KAZN: variants seen among roughly 807,000 people sequenced by gnomAD.
The protein encoded by KAZN is kazrin, periplakin interacting protein.
KAZN carries 40 observed loss-of-function variants against 87.4 expected under a neutral mutation model. The ratio of observed to expected loss-of-function variants is 0.46; its 90% CI spans 0.36 to 0.60. The LOEUF is 0.60. Ranked by LOEUF, KAZN falls within the 20% of genes least tolerant of loss-of-function variation. The pLI, the probability that KAZN is intolerant of heterozygous loss-of-function variation, is 0.00. For missense variants in KAZN, 898 were observed against 1,073.9 expected, an observed-to-expected ratio of 0.84 and a Z score of 2.29; for synonymous variants, 466 against 458.3, an observed-to-expected ratio of 1.02 and a Z score of -0.22.
intron 8 of KAZN, among the ~76,000 whole-genome samples, chr1:15,091,740 A>T (rs762216289): frequency 2.0e-5 from 3 of 152,226 alleles, no homozygotes; most frequent in Non-Finnish European, 4.4e-5. Flanking sequence ...ATGGAGCGTC[A>T]TTCCTTCAAA....
chr1:13,988,196 T>C (rs573905658), intron 1 of KAZN, among the ~76,000 whole-genome samples: 1 of 152,226 alleles, frequency 6.6e-6, no homozygotes, highest in South Asian at 2.1e-4. Context: ...GCACAAGCAT[T>C]TGGAGAATAA....
At chr1:14,176,942 G>A (rs957489471) in intron 1 of KAZN, among the ~76,000 whole-genome samples, 2 of 152,084 alleles carry the variant, frequency 1.3e-5, no homozygotes, top group African/African-American at 2.4e-5. Context: ...GGTGGATCAC[G>A]AGGTCAGGAG....
In KAZN at chr1:14,386,302, A is replaced by C. The variant is rs922695524; in HGVS notation, c.249+205710A>C. On this transcript the variant is annotated intron_variant, in intron 2 of 16. Transcript: ENST00000636203. ...TCTGTGTCTTTTAATTGGAGCATTT[A>C]GTCCATTTACATTTAAAGTTAATAT... Among the ~76,000 whole-genome samples, 20 of 146,974 alleles carry C rather than the reference A, an allele frequency of 1.4e-4. No homozygotes were observed. The South Asian group carries it at 1.4e-3, about 11-fold the overall frequency.
intron 1 of KAZN, among the ~76,000 whole-genome samples, chr1:14,932,724 C>T (rs1373231553): frequency 6.6e-6 from 1 of 151,834 alleles, no homozygotes; most frequent in Non-Finnish European, 1.5e-5. Context: ...TCGGTGGGCT[C>T]AAATGCAGAG....
chr1:14,245,948 G>A (rs1418032384), intron 2 of KAZN, among the ~76,000 whole-genome samples: 3 of 152,160 alleles, frequency 2.0e-5, no homozygotes, highest in Non-Finnish European at 4.4e-5. Flanking sequence ...ATCAATGATA[G>A]ACTGAATTTT....
chr1:14,552,290 A>C (rs1415713937), intron 2 of KAZN, among the ~76,000 whole-genome samples: 2 of 152,212 alleles, frequency 1.3e-5, no homozygotes, highest in African/African-American at 4.8e-5. Flanking sequence ...CTGTTACAGA[A>C]AGATCCGGCT....
chr1:14,561,056 A>G lies in KAZN; in HGVS notation c.250-37927A>G, dbSNP rs75373333. On this transcript the variant is annotated intron_variant, in intron 2 of 16. Transcript: ENST00000636203. ...TCTCTGCATCAACTCCTGAGTGCTC[A>G]CTCTGGAGGGAGCACCTGCTTGGTT... Among the ~76,000 whole-genome samples, 154 of 152,066 alleles carry G rather than the reference A, an allele frequency of 1.0e-3. 3 individuals are homozygous for G. The East Asian group carries it at 0.023, about 23-fold the overall frequency.
At chr1:14,546,433 CCT>C (rs1017203271) in intron 2 of KAZN, among the ~76,000 whole-genome samples, 55 of 151,806 alleles carry the variant, frequency 3.6e-4, no homozygotes, top group Middle Eastern at 3.4e-3. Context: ...AATGTGAGGG[CCT>C]TTTTTTTTCC....
intron 2 of KAZN, among the ~76,000 whole-genome samples, chr1:14,454,208 T>C (rs779516554): frequency 2.0e-5 from 3 of 152,186 alleles, no homozygotes; most frequent in Non-Finnish European, 4.4e-5. Flanking sequence ...AGGGGTTTGA[T>C]TGTTATTTTG....
At chr1:15,038,286 A>C (rs1672540360) in intron 3 of KAZN, among the ~76,000 whole-genome samples, 1 of 151,954 alleles carries the variant, frequency 6.6e-6, no homozygotes, top group African/African-American at 2.4e-5. Flanking sequence ...AAAAAGCAAG[A>C]GGGTGCTGAG....
chr1:14,248,811 A>G (rs1224360850), intron 2 of KAZN, among the ~76,000 whole-genome samples: 3 of 152,164 alleles, frequency 2.0e-5, no homozygotes, highest in East Asian at 1.9e-4. Flanking sequence ...AACTGATGCT[A>G]TGTGAGACTA....
rs957324059 is a variant in KAZN at position 14,820,010 on chromosome 1, G to A, written c.227-140674G>A. On this transcript the variant is annotated intron_variant, in intron 1 of 14. Coordinates refer to ENST00000376030, the MANE Select transcript of KAZN (RefSeq NM_201628.3). This position sits in a 1 kb window ranked among gnomAD's most constrained non-coding sequence, Gnocchi z 4.1. ...AGGCATAAGCCACTGTGCCTGGCCCGAAAAAAAATCTATTTATATATATAT... is the reference window on the plus strand; with the variant it reads ...AGGCATAAGCCACTGTGCCTGGCCCAAAAAAAAATCTATTTATATATATAT... 4.0e-5 allele frequency among the ~76,000 whole-genome samples: 6 copies of A among 151,354 alleles called. No homozygotes were observed. The highest frequency in any genetic ancestry group is 4.2e-4 in the South Asian group (2 of 4,788).
At chr1:14,123,758 C>A (rs1265435405) in intron 1 of KAZN, among the ~76,000 whole-genome samples, 2 of 152,120 alleles carry the variant, frequency 1.3e-5, no homozygotes, top group Non-Finnish European at 1.5e-5. Context: ...TTCTGAGGTG[C>A]CCTCCCTTAC....
chr1:14,924,393 A>T (rs1372101632), intron 1 of KAZN: 1 of 988,120 alleles, frequency 1.0e-6, no homozygotes, highest in Non-Finnish European at 1.2e-6. Flanking sequence ...GGCTCGTGGG[A>T]GCGCGTCCGC....
chr1:14,466,189 G>C (rs2480055), intron 2 of KAZN, among the ~76,000 whole-genome samples: 67,336 of 151,974 alleles, frequency 0.44, 15,907 homozygotes, highest in East Asian at 0.76. Context: ...TGTCCCTGCC[G>C]CCAAAAGCAG....
intron 1 of KAZN, among the ~76,000 whole-genome samples, chr1:14,946,553 G>T (rs1347510481): frequency 6.6e-6 from 1 of 152,038 alleles, no homozygotes; most frequent in Non-Finnish European, 1.5e-5. Flanking sequence ...TAGCCAGGAT[G>T]GTCTCAATCT....
intron 2 of KAZN, among the ~76,000 whole-genome samples, chr1:14,479,440 C>T (rs909770250): frequency 6.6e-6 from 1 of 152,170 alleles, no homozygotes; most frequent in African/African-American, 2.4e-5. Context: ...GAATCAATGG[C>T]CTGCCCCAGC....
intron 1 of KAZN, among the ~76,000 whole-genome samples, chr1:14,744,457 G>A (rs899729081): frequency 6.6e-6 from 1 of 152,120 alleles, no homozygotes; most frequent in African/African-American, 2.4e-5. Flanking sequence ...GGCCAGGTGT[G>A]ATGGCTCACG....
intron 1 of KAZN, among the ~76,000 whole-genome samples, chr1:14,107,810 G>C (rs1324372106): frequency 6.6e-6 from 1 of 152,128 alleles, no homozygotes; most frequent in Non-Finnish European, 1.5e-5. Context: ...TTACCAAGTG[G>C]GAAAGGAGAA....
Sources: allele counts gnomAD v4.1 joint callset (sites outside exome capture counted in the v4.1 genomes callset), GRCh38; gene constraint gnomAD v4.1.1; non-coding constraint Gnocchi (gnomAD v3.1); transcripts MANE v1.5; gene names NCBI Gene and HGNC (gene_info 2026-07-23, HGNC 2026-07-21).